Variants in NPAS2 observed in about 807,000 individuals in gnomAD.
The protein encoded by NPAS2 is neuronal PAS domain protein 2, also known as neuronal PAS domain-containing protein 2.
NPAS2 carries 23 observed loss-of-function variants against 107.5 expected under a neutral mutation model. That is an observed-to-expected ratio of 0.21 (90% confidence interval 0.15 to 0.30). The LOEUF is 0.30. Ranked by LOEUF, NPAS2 falls within the 10% of genes least tolerant of loss-of-function variation. NPAS2 has a pLI of 1.00. For missense variants in NPAS2, 756 were observed against 1,043.3 expected (o/e 0.72, Z 3.79); for synonymous variants, 403 against 417.5 (o/e 0.97, Z 0.42).
chr2:100,968,432 C>T lies in NPAS2; in HGVS notation c.1055+4C>T. 1 of 1,613,366 alleles carries T rather than the reference C, an allele frequency of 6.2e-7. No individual in the cohort carries two copies. Among genetic ancestry groups the T allele is most frequent in the Non-Finnish European group, 8.5e-7 (1 of 1,179,468 alleles). ...TGTGCACACACTCGGTGGTCAGGTA[C>T]CGCGCACGGGCAGGGGTGCGGCTGC... On this transcript the variant is annotated splice_donor_region_variant and intron_variant, in intron 11 of 20. Transcript: ENST00000335681. This position sits in a 1 kb window ranked among gnomAD's most constrained non-coding sequence, Gnocchi z 5.3.
intron 1 of NPAS2, among the ~76,000 whole-genome samples, chr2:100,874,596 G>C (rs1005629686): frequency 6.6e-6 from 1 of 151,902 alleles, no homozygotes; most frequent in African/African-American, 2.4e-5. Context: ...ACAAAAATTA[G>C]CCAGGTGTGG....
In NPAS2 at chr2:100,990,843, G is replaced by C. The variant is rs201219112; in HGVS notation, c.2082G>C (p.Ser694=). 6.2e-7 allele frequency: 1 copy of C among 1,614,182 alleles called. No homozygotes were observed. Among genetic ancestry groups the C allele is most frequent in the Non-Finnish European group, 8.5e-7 (1 of 1,180,018 alleles). The change falls in exon 19 of 21, where the codon TCG becomes TCC. Residue 694 remains serine, a synonymous_variant. Transcript: ENST00000335681. The stretch of plus-strand genomic sequence containing the variant: ...GGTCCTGTGACGCAAGGCAGCCCTC[G>C]GAAGTCAGCAGGACGGGACGGCAAG... The part of the protein sequence containing the change: ...MPGSCDARQP[S]EVSRTGRQVK...
intron 1 of NPAS2, chr2:100,821,248 G>C: frequency 7.8e-7 from 1 of 1,282,746 alleles, no homozygotes; most frequent in Non-Finnish European, 1.0e-6. Flanking sequence ...TTAGTAACTA[G>C]TTTTGTTGAT....
chr2:100,996,026 A>T lies in NPAS2; in HGVS notation c.*444A>T. ...GTCAGAGATCTGTTGGAGAGAGAGA[A>T]TAAAGAGATTATTTTTCATTATTTT... On this transcript the variant is annotated 3_prime_UTR_variant, in exon 21 of 21. Coordinates refer to ENST00000335681, the MANE Select transcript of NPAS2 (RefSeq NM_002518.4). 9.2e-7 allele frequency: 1 copy of T among 1,087,310 alleles called. No individual in the cohort carries two copies. The highest frequency in any genetic ancestry group is 3.6e-5 in the Admixed American group (1 of 27,652). The allele number at this position is 1,087,310 out of a possible 1,614,324, so 67.4% of individuals were successfully genotyped here. A position where few individuals can be genotyped will look rare whatever the true frequency, so the allele number is the denominator to read the frequency against.
Position 100,970,998 on chromosome 2 carries a change from A to G in NPAS2, c.1064A>G (p.Asp355Gly). Residue 355 changes from aspartate (D) to glycine (G), a missense_variant, in exon 12 of 21, where the codon GAT becomes GGT. This residue lies in a region of NPAS2 where 84 missense variants were observed against 175.5 expected (regional missense o/e 0.48). Transcript: ENST00000335681. Reference sequence around the variant, plus strand: ...CTTAATTTCCTGTACAGTTACGCAGATGTCCGGGTGGAAAGGAGGCAGGAG... The same window carrying G: ...CTTAATTTCCTGTACAGTTACGCAGGTGTCCGGGTGGAAAGGAGGCAGGAG... The part of the protein sequence containing the change: ...VCTHSVVSYA[D>G]VRVERRQELA... The G allele has an allele frequency of 6.2e-7, 1 of 1,614,080 alleles. No homozygotes were observed. The highest frequency in any genetic ancestry group is 8.5e-7 in the Non-Finnish European group (1 of 1,180,010).
intron 2 of NPAS2, among the ~76,000 whole-genome samples, chr2:100,909,029 C>A (rs1682353842): frequency 6.6e-6 from 1 of 152,172 alleles, no homozygotes; most frequent in Non-Finnish European, 1.5e-5. Flanking sequence ...CTACGCATGC[C>A]ATTTTGCAGA....
At chr2:100,955,429 C>T (rs1675510565) in intron 7 of NPAS2, among the ~76,000 whole-genome samples, 1 of 152,172 alleles carries the variant, frequency 6.6e-6, no homozygotes, top group South Asian at 2.1e-4. Flanking sequence ...TGATCTTGGC[C>T]CCGGGACACA....
intron 1 of NPAS2, among the ~76,000 whole-genome samples, chr2:100,897,534 G>A (rs1681487562): frequency 6.6e-6 from 1 of 152,108 alleles, no homozygotes; most frequent in African/African-American, 2.4e-5. Flanking sequence ...CACCGGGCTG[G>A]CCTCTGGGCT....
Position 100,820,167 on chromosome 2 carries a change from G to C in NPAS2, c.-270G>C, listed in dbSNP as rs1390931063. 6.6e-6 allele frequency: 1 copy of C among 150,790 alleles called. No individual in the cohort carries two copies. The highest frequency in any genetic ancestry group is 2.4e-5 in the African/African-American group (1 of 41,234). 9.3% of individuals were successfully genotyped at this position (150,790 alleles called of 1,614,324 possible). Reference sequence around the variant, plus strand: ...TGCGGAAGAGTTTGCCGCGCGAGCAGCCGGCCTCTCGCAGGAGCCGAGGGA... The same window carrying C: ...TGCGGAAGAGTTTGCCGCGCGAGCACCCGGCCTCTCGCAGGAGCCGAGGGA... On this transcript the variant is annotated 5_prime_UTR_variant, in exon 1 of 21. Transcript: ENST00000335681. The surrounding 1 kb of genome is among the most constrained non-coding windows in gnomAD (Gnocchi z 5.6).
At chr2:100,890,447 TAGCCTAC>T (rs1680978452) in intron 1 of NPAS2, among the ~76,000 whole-genome samples, 1 of 152,076 alleles carries the variant, frequency 6.6e-6, no homozygotes, top group Non-Finnish European at 1.5e-5. Context: ...CCAGGGACCC[TAGCCTAC>T]GGGGAATCTC....
At chr2:100,926,127 A>G (rs1483531091) in intron 3 of NPAS2, among the ~76,000 whole-genome samples, 2 of 152,184 alleles carry the variant, frequency 1.3e-5, no homozygotes, top group African/African-American at 2.4e-5. Flanking sequence ...TGGACCAACA[A>G]TATTCCATTG....
At chr2:100,853,988 A>G (rs1391640701) in intron 1 of NPAS2, among the ~76,000 whole-genome samples, 1 of 151,448 alleles carries the variant, frequency 6.6e-6, no homozygotes, top group Non-Finnish European at 1.5e-5. Context: ...AAAAAAAAAA[A>G]AAACACAAAA....
At chr2:100,822,903 G>A (rs1204781411) in intron 1 of NPAS2, 2 of 152,188 alleles carry the variant, frequency 1.3e-5, no homozygotes, top group African/African-American at 4.8e-5. Context: ...ATCTAATTGA[G>A]TTTCACATTT....
intron 2 of NPAS2, among the ~76,000 whole-genome samples, chr2:100,914,381 A>G (rs1227623484): frequency 6.6e-6 from 1 of 152,176 alleles, no homozygotes; most frequent in African/African-American, 2.4e-5. Context: ...CCTGAGGTGC[A>G]CATCTACTCT....
chr2:100,942,111 G>C (rs1377594413), intron 5 of NPAS2, among the ~76,000 whole-genome samples: 1 of 152,118 alleles, frequency 6.6e-6, no homozygotes, highest in Non-Finnish European at 1.5e-5. Flanking sequence ...AAGAAAACAA[G>C]GCACAAGTGT....
intron 2 of NPAS2, among the ~76,000 whole-genome samples, chr2:100,907,644 T>C (rs1019374656): frequency 1.3e-5 from 2 of 152,162 alleles, no homozygotes; most frequent in African/African-American, 4.8e-5. Flanking sequence ...TTTGATGAGA[T>C]TAGAAATGTT....
rs1678445641 is a variant in NPAS2, at chr2:100,996,449, C to G, written c.*867C>G. On this transcript the variant is annotated 3_prime_UTR_variant, in exon 21 of 21. Coordinates refer to ENST00000335681, the MANE Select transcript of NPAS2 (RefSeq NM_002518.4). ...GAGAGGTTTTACAAGCCAGACAGGC[C>G]TGGGGGACTGCAGTCCCCAAGGAGA... 1 of 152,918 alleles carries G rather than the reference C, an allele frequency of 6.5e-6. No individual in the cohort carries two copies. Among genetic ancestry groups the G allele is most frequent in the Non-Finnish European group, 1.5e-5 (1 of 68,270 alleles). The allele number at this position is 152,918 out of a possible 1,614,324, so 9.5% of individuals were successfully genotyped here.
chr2:100,904,845 G>A, intron 2 of NPAS2, 59 bp downstream of exon 2: 1 of 1,251,866 alleles, frequency 8.0e-7, no homozygotes, highest in Non-Finnish European at 1.2e-6. Context: ...GGTCTGCCTG[G>A]CAGAATCTCG....
In NPAS2 at chr2:100,995,759, G is replaced by A; in HGVS notation, c.*177G>A. 6.5e-7 allele frequency: 1 copy of A among 1,549,528 alleles called. No homozygotes were observed. The highest frequency in any genetic ancestry group is 8.7e-7 in the Non-Finnish European group (1 of 1,146,884). On this transcript the variant is annotated 3_prime_UTR_variant, in exon 21 of 21. Transcript: ENST00000335681. ...GTGCAGCGCTTGCTGCAGTGGAAAT[G>A]ATCAGGAATACTGACCGTGTTTCTC...
Sources: gnomAD v4.1 joint callset for allele counts (sites outside exome capture counted in the v4.1 genomes callset) on GRCh38, gnomAD v4.1.1 for gene constraint, gnomAD v4.1.1 regional missense constraint, Gnocchi (gnomAD v3.1) non-coding constraint, MANE v1.5 for transcripts, NCBI Gene and HGNC (gene_info 2026-07-23, HGNC 2026-07-21) for gene names.